NCAM1: variants seen among roughly 807,000 people sequenced by gnomAD.
NCAM1 encodes the protein neural cell adhesion molecule 1.
In NCAM1, 14 loss-of-function variants were observed where a neutral mutation model predicts 109.8. That is an observed-to-expected ratio of 0.13 (90% CI 0.08 to 0.20). NCAM1 has a LOEUF of 0.20. Among genes scored for constraint, NCAM1 ranks in the 10% least tolerant of loss-of-function variants. The pLI is 1.00. For synonymous variants in NCAM1, 418 were observed against 442.9 expected (o/e 0.94, Z 0.70); for missense variants, 774 against 1,109.9 (o/e 0.70, Z 4.30).
intron 17 of NCAM1, chr11:113,264,996 C>G (rs909026147): frequency 2.0e-6 from 2 of 985,426 alleles, no homozygotes; most frequent in African/African-American, 1.7e-5. Flanking sequence ...AGCCACACCC[C>G]ACTCCCCTGT....
At chr11:113,168,615 T>G (rs1565475989) in intron 1 of NCAM1, among the ~76,000 whole-genome samples, 1 of 152,228 alleles carries the variant, frequency 6.6e-6, no homozygotes, top group Non-Finnish European at 1.5e-5. Flanking sequence ...CTTCCACTTC[T>G]GTTTGAGATG....
intron 1 of NCAM1, among the ~76,000 whole-genome samples, chr11:112,995,799 A>C (rs1555071346): frequency 6.6e-6 from 1 of 152,188 alleles, no homozygotes; most frequent in East Asian, 1.9e-4. Flanking sequence ...GCCGTATCTC[A>C]TATATAAATG....
intron 1 of NCAM1, among the ~76,000 whole-genome samples, chr11:112,980,172 G>C (rs1267393005): frequency 7.9e-5 from 12 of 151,690 alleles, no homozygotes; most frequent in African/African-American, 2.9e-4. Flanking sequence ...AGGATGGCTA[G>C]AATCAAAAAG....
intron 1 of NCAM1, among the ~76,000 whole-genome samples, chr11:112,973,074 C>G (rs1372602585): frequency 6.6e-6 from 1 of 152,104 alleles, no homozygotes; most frequent in Non-Finnish European, 1.5e-5. Flanking sequence ...TTTTTAGATT[C>G]AGTTTTGTCT....
rs146953406 is a variant in NCAM1, at chr11:113,205,174, T to C, written c.347-349T>C. 1.9e-3 allele frequency among the ~76,000 whole-genome samples: 297 copies of C among 152,360 alleles called. 3 individuals are homozygous for C. Among genetic ancestry groups the C allele is most frequent in the African/African-American group, 6.9e-3 (289 of 41,590 alleles). Reference sequence around the variant, plus strand: ...GACTGATGATTCTTACTATTCGTTGTGGAATGGATGTTCCACCAGTTCATT... The same window carrying C: ...GACTGATGATTCTTACTATTCGTTGCGGAATGGATGTTCCACCAGTTCATT... On this transcript the variant is annotated intron_variant, in intron 3 of 19. Transcript: ENST00000316851.
chr11:112,987,495 T>G (rs1170718046), intron 1 of NCAM1, among the ~76,000 whole-genome samples: 2 of 152,174 alleles, frequency 1.3e-5, no homozygotes, highest in Non-Finnish European at 2.9e-5. Context: ...TATTGAGGTC[T>G]CTTATTATTA....
At chr11:112,985,346 C>T (rs939300234) in intron 1 of NCAM1, among the ~76,000 whole-genome samples, 1 of 149,220 alleles carries the variant, frequency 6.7e-6, no homozygotes, top group South Asian at 2.1e-4. Context: ...CAACTTTGTT[C>T]TTATTGCTTA....
intron 1 of NCAM1, among the ~76,000 whole-genome samples, chr11:113,012,368 A>C (rs1428103173): frequency 6.6e-6 from 1 of 152,058 alleles, no homozygotes; most frequent in African/African-American, 2.4e-5. Context: ...CTGAAATTTG[A>C]ATATAGGTTG....
intron 1 of NCAM1, among the ~76,000 whole-genome samples, chr11:113,112,238 A>G (rs1555093859): frequency 6.6e-6 from 1 of 152,214 alleles, no homozygotes; most frequent in Non-Finnish European, 1.5e-5. Flanking sequence ...TCTCACTTTT[A>G]AAAACAAACT....
intron 1 of NCAM1, among the ~76,000 whole-genome samples, chr11:113,164,462 G>A (rs1942712345): frequency 6.6e-6 from 1 of 152,096 alleles, no homozygotes; most frequent in South Asian, 2.1e-4. Context: ...TCACATTTCA[G>A]TCGCAAGTCC....
At chr11:113,101,745 TA>T (rs1369717108) in intron 1 of NCAM1, among the ~76,000 whole-genome samples, 1 of 152,240 alleles carries the variant, frequency 6.6e-6, no homozygotes, top group Non-Finnish European at 1.5e-5. Flanking sequence ...GACTCTTTAA[TA>T]ACTCATTTAA....
intron 8 of NCAM1, among the ~76,000 whole-genome samples, chr11:113,220,686 A>G (rs1944668081): frequency 7.1e-6 from 1 of 140,808 alleles, no homozygotes; most frequent in Non-Finnish European, 1.5e-5. Context: ...CGCTCACTGC[A>G]AGCTCTGCCT....
intron 1 of NCAM1, among the ~76,000 whole-genome samples, chr11:113,007,660 A>C (rs1455398228): frequency 1.3e-5 from 2 of 152,224 alleles, no homozygotes; most frequent in African/African-American, 4.8e-5. Flanking sequence ...GTTGTGATAT[A>C]GTTGTGATTG....
intron 1 of NCAM1, among the ~76,000 whole-genome samples, chr11:113,151,789 G>A (rs898046376): frequency 5.3e-5 from 8 of 152,232 alleles, no homozygotes; most frequent in Non-Finnish European, 1.0e-4. Flanking sequence ...GTTACTCATC[G>A]GTTATAGTGG....
At chr11:113,255,500 A>G (rs1415763589) in intron 15 of NCAM1, among the ~76,000 whole-genome samples, 1 of 147,132 alleles carries the variant, frequency 6.8e-6, no homozygotes, top group Non-Finnish European at 1.5e-5. Flanking sequence ...ATTTTCTCCT[A>G]TTTCAGGCTG....
At chr11:113,051,338 A>T (rs1200012881) in intron 1 of NCAM1, among the ~76,000 whole-genome samples, 1 of 152,182 alleles carries the variant, frequency 6.6e-6, no homozygotes, top group Non-Finnish European at 1.5e-5. Context: ...TTTTCCCCCA[A>T]CATGACTTTT....
At position 112,961,525 on chromosome 11, in the gene NCAM1, G is replaced by T. The variant is rs782477221; in HGVS notation, c.-88G>T. ...CTGGCAATTGTCTGCCCCTAGGTCTGTCGCTCAGCCGCCGTCCACACTCGC... is the reference window on the plus strand; with the variant it reads ...CTGGCAATTGTCTGCCCCTAGGTCTTTCGCTCAGCCGCCGTCCACACTCGC... On this transcript the variant is annotated 5_prime_UTR_variant, in exon 1 of 20. Transcript: ENST00000316851. The T allele has an allele frequency of 1.1e-6, 1 of 882,396 alleles. No homozygotes were observed. Among genetic ancestry groups the T allele is most frequent in the Non-Finnish European group, 2.0e-6 (1 of 512,044 alleles). 54.7% of individuals were successfully genotyped at this position (882,396 alleles called of 1,614,324 possible).
At chr11:113,205,456 C>G (rs1375758709) in intron 3 of NCAM1, 67 bp from the exon 4 acceptor site, 1 of 1,547,060 alleles carries the variant, frequency 6.5e-7, no homozygotes, top group Admixed American at 1.9e-5. Context: ...GGTACCATGG[C>G]TCTAGTGAAA....
intron 17 of NCAM1, chr11:113,264,711 G>A (rs1024677479): frequency 5.4e-5 from 53 of 985,316 alleles, no homozygotes; most frequent in Admixed American, 1.8e-4. Flanking sequence ...TGGAGATCTC[G>A]TCCTAAGTGT....
Sources: allele counts gnomAD v4.1 joint callset (sites outside exome capture counted in the v4.1 genomes callset), GRCh38; gene constraint gnomAD v4.1.1; transcripts MANE v1.5; gene names NCBI Gene and HGNC (gene_info 2026-07-23, HGNC 2026-07-21).